The following PPARD variants were observed in gnomAD, a reference collection of about 807,000 sequenced individuals.
PPARD encodes peroxisome proliferator activated receptor delta, also known as peroxisome proliferator-activated receptor delta.
Under a neutral mutation model 39.5 loss-of-function variants are expected in PPARD, and 6 were observed. The ratio of observed to expected loss-of-function variants is 0.15; its 90% CI spans 0.08 to 0.30. The LOEUF (loss-of-function observed/expected upper bound fraction) is 0.30. Among genes scored for constraint, PPARD ranks in the 10% least tolerant of loss-of-function variants. The probability of loss-of-function intolerance (pLI) is 1.00; values close to 1 mark genes in which losing one functional copy is unlikely to be tolerated. For synonymous variants in PPARD, 210 were observed against 231.3 expected (o/e 0.91, Z 0.83); for missense variants, 397 against 596.8 (o/e 0.67, Z 3.49).
intron 2 of PPARD, among the ~76,000 whole-genome samples, chr6:35,368,807 A>G (rs1296238654): frequency 1.3e-5 from 2 of 152,182 alleles, no homozygotes; most frequent in African/African-American, 2.4e-5. Flanking sequence ...TCTGAGCTTT[A>G]TGGTGGCCTC....
rs1761940506 is a variant in PPARD at position 35,361,807 on chromosome 6, TGTCCCATGG to T, written c.-102+14659_-102+14667del. 3.3e-5 allele frequency among the ~76,000 whole-genome samples: 5 copies of T among 152,218 alleles called. No individual in the cohort carries two copies. The South Asian group carries it at 1.0e-3, about 32-fold the overall frequency. The stretch of plus-strand genomic sequence containing the variant: ...TGAGCTCTGGAGTGGTAGGGGTCTG[TGTCCCATGG>T]GGACAGGTGGTTCTGGGTGTTGGGC... On this transcript the variant is annotated intron_variant, in intron 2 of 7. Coordinates refer to ENST00000360694, the MANE Select transcript of PPARD (RefSeq NM_006238.5).
intron 2 of PPARD, among the ~76,000 whole-genome samples, chr6:35,351,743 G>A (rs1004690576): frequency 6.6e-6 from 1 of 151,688 alleles, no homozygotes; most frequent in Non-Finnish European, 1.5e-5. Context: ...TTGTAAAGAT[G>A]GTGTCTTGTG....
At position 35,350,304 on chromosome 6, in the gene PPARD, G is replaced by A. The variant is rs143211543; in HGVS notation, c.-102+3154G>A. 5.2e-3 allele frequency among the ~76,000 whole-genome samples: 795 copies of A among 152,186 alleles called. 9 individuals carry two copies. The highest frequency in any genetic ancestry group is 9.2e-3 in the Non-Finnish European group (626 of 67,992). ...TTTTGCTTTGGTTGCCTGTGCTTGC[G>A]GGGTATTGCTCAAGAAATTTTTGCC... On this transcript the variant is annotated intron_variant, in intron 2 of 7. Transcript: ENST00000360694.
intron 2 of PPARD, among the ~76,000 whole-genome samples, chr6:35,353,429 C>G (rs1761380588): frequency 6.6e-6 from 1 of 152,154 alleles, no homozygotes. Flanking sequence ...TAACCCATCC[C>G]TACCCCATAT....
intron 2 of PPARD, among the ~76,000 whole-genome samples, chr6:35,364,507 C>T (rs1349620671): frequency 1.4e-5 from 2 of 147,950 alleles, no homozygotes; most frequent in Non-Finnish European, 3.0e-5. Context: ...GATCTTGGCT[C>T]ACTGCAACCT....
intron 2 of PPARD, among the ~76,000 whole-genome samples, chr6:35,364,902 G>T (rs1191147744): frequency 1.3e-5 from 2 of 150,984 alleles, no homozygotes; most frequent in East Asian, 2.0e-4. Flanking sequence ...GTAGAGACGG[G>T]GTTTCACTGT....
chr6:35,380,616 C>T (rs1250571181), intron 2 of PPARD, among the ~76,000 whole-genome samples: 3 of 151,540 alleles, frequency 2.0e-5, no homozygotes, highest in East Asian at 1.9e-4. Flanking sequence ...CTCAGCCTCC[C>T]GAGTAGCTGG....
In PPARD at chr6:35,363,390, G is replaced by A. The variant is rs1762025373; in HGVS notation, c.-102+16240G>A. On this transcript the variant is annotated intron_variant, in intron 2 of 7. Coordinates refer to ENST00000360694, the MANE Select transcript of PPARD (RefSeq NM_006238.5). This position sits in a 1 kb window ranked among gnomAD's most constrained non-coding sequence, Gnocchi z 4.5. Reference sequence around the variant, plus strand: ...GGTGAGACCCACTGGCTTCCTGTACGTCCCCTCAAAGCCTGCGCCACCGCC... The same window carrying A: ...GGTGAGACCCACTGGCTTCCTGTACATCCCCTCAAAGCCTGCGCCACCGCC... Among the ~76,000 whole-genome samples, 2 of 152,070 alleles carry A rather than the reference G, an allele frequency of 1.3e-5. No individual in the cohort carries two copies. Among genetic ancestry groups the A allele is most frequent in the African/African-American group, 2.4e-5 (1 of 41,386 alleles).
intron 3 of PPARD, among the ~76,000 whole-genome samples, chr6:35,413,473 GA>G (rs1359656733): frequency 6.6e-6 from 1 of 152,146 alleles, no homozygotes; most frequent in African/African-American, 2.4e-5. Context: ...AATTCTACAA[GA>G]CAAGCAACCT....
At chr6:35,386,295 A>C (rs1473388685) in intron 2 of PPARD, among the ~76,000 whole-genome samples, 1 of 148,224 alleles carries the variant, frequency 6.7e-6, no homozygotes, top group African/African-American at 2.5e-5. Flanking sequence ...CACGATGCAT[A>C]GTGAGACCCC....
At chr6:35,422,929 G>C (rs1381768309) in intron 5 of PPARD, among the ~76,000 whole-genome samples, 1 of 151,812 alleles carries the variant, frequency 6.6e-6, no homozygotes, top group South Asian at 2.1e-4. Flanking sequence ...GATTAAAAAA[G>C]AAAAGTGGCC....
Position 35,425,997 on chromosome 6 carries a change from A to G in PPARD, c.1244A>G (p.Gln415Arg), listed in dbSNP as rs141008204. ...DLRQLVTEHA[Q>R]MMQRIKKTET... Reference sequence around the variant, plus strand: ...CGGCAACTGGTCACCGAGCACGCCCAGATGATGCAGCGGATCAAGAAGACC... The same window carrying G: ...CGGCAACTGGTCACCGAGCACGCCCGGATGATGCAGCGGATCAAGAAGACC... Residue 415 changes from glutamine (Q) to arginine (R), a missense_variant, in exon 8 of 8, where the codon CAG becomes CGG. By Grantham distance (43) the Gln-to-Arg change is conservative (BLOSUM62 1). Transcript: ENST00000360694. The surrounding 1 kb of genome is among the most constrained non-coding windows in gnomAD (Gnocchi z 4.5). 2 of 1,614,158 alleles carry G rather than the reference A, an allele frequency of 1.2e-6. No individual in the cohort carries two copies. Among genetic ancestry groups the G allele is most frequent in the African/African-American group, 2.7e-5 (2 of 75,050 alleles).
At chr6:35,420,351 G>A (rs1485866447) in intron 4 of PPARD, 70 bp downstream of exon 4, 2 of 1,495,024 alleles carry the variant, frequency 1.3e-6, no homozygotes, top group Middle Eastern at 1.8e-4. Flanking sequence ...CCTCCACAAA[G>A]CTTTCCTTGC....
In PPARD at chr6:35,399,094, C is replaced by G. The variant is rs555269613; in HGVS notation, c.-101-11893C>G. 5.3e-5 allele frequency among the ~76,000 whole-genome samples: 8 copies of G among 151,810 alleles called. No homozygotes were observed. The South Asian group carries it at 8.3e-4, about 16-fold the overall frequency. ...AGCCATTGCACTCCAGCCTGGGCAA[C>G]AGTGAGACCCTGTCCCCCAAAAAAA... is the stretch of plus-strand genomic sequence containing the variant. On this transcript the variant is annotated intron_variant, in intron 2 of 7. Coordinates refer to ENST00000360694, the MANE Select transcript of PPARD (RefSeq NM_006238.5).
At chr6:35,386,912 C>CT (rs1287391398) in intron 2 of PPARD, among the ~76,000 whole-genome samples, 1 of 151,868 alleles carries the variant, frequency 6.6e-6, no homozygotes, top group East Asian at 1.9e-4. Context: ...GTCTTTGTTC[C>CT]TTCTGCCCTT....
rs776031687 is a variant in PPARD at position 35,420,192 on chromosome 6, T to G, written c.196T>G (p.Ser66Ala). ...ACTGCAGATGGGCTGTGACGGGGCC[T>G]CATGCGGCAGCCTCAACATGGAGTG... is the stretch of plus-strand genomic sequence containing the variant. ...DQLQMGCDGA[S>A]CGSLNMECRV... Residue 66 changes from serine to alanine, a missense_variant, in exon 4 of 8, where the codon TCA (serine) becomes GCA (alanine). Ser to Ala is a moderately conservative substitution (Grantham distance 99). Coordinates refer to ENST00000360694, the MANE Select transcript of PPARD (RefSeq NM_006238.5). The G allele has an allele frequency of 4.5e-5, 73 of 1,613,288 alleles. No individual in the cohort carries two copies. Among genetic ancestry groups the G allele is most frequent in the South Asian group, 8.8e-5 (8 of 91,030 alleles).
At chr6:35,404,381 G>A (rs1173755218) in intron 2 of PPARD, among the ~76,000 whole-genome samples, 5 of 152,188 alleles carry the variant, frequency 3.3e-5, no homozygotes, top group Non-Finnish European at 7.3e-5. Context: ...CTTGGAGAAG[G>A]GAAGCTAGTA....
intron 2 of PPARD, among the ~76,000 whole-genome samples, chr6:35,380,472 GTTTGTTTTTTTTTTTTTT>G (rs1562190314): frequency 4.8e-4 from 15 of 31,322 alleles, no homozygotes; most frequent in African/African-American, 9.2e-4. Context: ...TTTTTTTTTT[GTTTGTTTTTTTTTTTTTT>G]TTTTTTTTTT....
chr6:35,347,064 C>T lies in PPARD; in HGVS notation c.-185-3C>T. ...AGCTGTTGGGGTTTTTTCTATCCTGCAGTGTTGTACAGTGTTTTGGGCATG... is the reference window on the plus strand; with the variant it reads ...AGCTGTTGGGGTTTTTTCTATCCTGTAGTGTTGTACAGTGTTTTGGGCATG... On this transcript the variant is annotated splice_region_variant and splice_polypyrimidine_tract_variant and intron_variant, in intron 1 of 7. Transcript: ENST00000360694. The T allele has an allele frequency of 6.6e-7, 1 of 1,522,716 alleles. No individual in the cohort carries two copies. Among genetic ancestry groups the T allele is most frequent in the Non-Finnish European group, 8.8e-7 (1 of 1,136,732 alleles). 94.3% of individuals were successfully genotyped at this position (1,522,716 alleles called of 1,614,324 possible).
Sources: gnomAD v4.1 joint callset for allele counts (sites outside exome capture counted in the v4.1 genomes callset) on GRCh38, gnomAD v4.1.1 for gene constraint, Gnocchi (gnomAD v3.1) non-coding constraint, MANE v1.5 for transcripts, NCBI Gene and HGNC (gene_info 2026-07-23, HGNC 2026-07-21) for gene names.